Variants in NPLOC4 observed in about 807,000 individuals in gnomAD.
NPLOC4 encodes nuclear protein localization protein 4 homolog.
A neutral mutation model predicts 80.6 loss-of-function variants in NPLOC4; 18 were observed. That is an observed-to-expected ratio of 0.22 (90% CI 0.15 to 0.33). NPLOC4 has a LOEUF of 0.33. Among genes scored for constraint, NPLOC4 ranks in the 10% least tolerant of loss-of-function variants. The pLI is 1.00. For synonymous variants in NPLOC4, 313 were observed against 301.5 expected (o/e 1.04, Z -0.39); for missense variants, 540 against 786.1 (o/e 0.69, Z 3.74).
Position 81,597,336 on chromosome 17 carries a change from C to T in NPLOC4, c.922-20G>A, listed in dbSNP as rs1294733347. Reference sequence around the variant, plus strand: ...GCCAACCTTAAAAAAAGGAAAGTAGCTTTTAAACATCTCCTCAAGATAGAC... The same window carrying T: ...GCCAACCTTAAAAAAAGGAAAGTAGTTTTTAAACATCTCCTCAAGATAGAC... On this transcript the variant is annotated intron_variant, in intron 9 of 16. Coordinates refer to ENST00000331134, the MANE Select transcript of NPLOC4 (RefSeq NM_017921.4). 1 of 1,593,502 alleles carries T rather than the reference C, an allele frequency of 6.3e-7. No individual in the cohort carries two copies. The highest frequency in any genetic ancestry group is 1.3e-5 in the African/African-American group (1 of 74,550).
At chr17:81,618,382 G>A (rs1239573281) in intron 3 of NPLOC4, among the ~76,000 whole-genome samples, 1 of 149,898 alleles carries the variant, frequency 6.7e-6, no homozygotes, top group African/African-American at 2.5e-5. Context: ...GTCTCTGCCT[G>A]GCCGCCCCGT....
At chr17:81,609,968 T>G (rs968672994) in intron 5 of NPLOC4, among the ~76,000 whole-genome samples, 2 of 152,174 alleles carry the variant, frequency 1.3e-5, no homozygotes, top group Non-Finnish European at 2.9e-5. Flanking sequence ...TGCTGCCCCT[T>G]TATCACAGCC....
intron 16 of NPLOC4, chr17:81,563,605 C>A: frequency 1.1e-5 from 2 of 179,422 alleles, no homozygotes; most frequent in South Asian, 8.9e-5. Context: ...AAAAAAAAGA[C>A]TGGTGTCATT....
At position 81,557,981 on chromosome 17, in the gene NPLOC4, A is replaced by C. The variant is rs2033697934; in HGVS notation, c.*1278T>G. ...CCCCAGGATGGACACAGAAGTCCCT[A>C]AGCAGTCTGCAGCTGGGCCAGCCTC... On this transcript the variant is annotated 3_prime_UTR_variant, in exon 17 of 17. Coordinates refer to ENST00000331134, the MANE Select transcript of NPLOC4 (RefSeq NM_017921.4). 1 of 152,504 alleles carries C rather than the reference A, an allele frequency of 6.6e-6. No homozygotes were observed. 9.4% of individuals were successfully genotyped at this position (152,504 alleles called of 1,614,324 possible). A position where few individuals can be genotyped will look rare whatever the true frequency, so the allele number is the denominator to read the frequency against.
chr17:81,588,763 T>C lies in NPLOC4; in HGVS notation c.1281+181A>G, dbSNP rs191759168. Among the ~76,000 whole-genome samples, 12 of 152,322 alleles carry C rather than the reference T, an allele frequency of 7.9e-5. No individual in the cohort carries two copies. The East Asian group carries it at 1.5e-3, about 20-fold the overall frequency. On this transcript the variant is annotated intron_variant, in intron 12 of 16. Transcript: ENST00000331134. ...ACTTCTGGTGAGAAGCCCTACGCCA[T>C]GGAAGCATGAGTAGCGAATATCCAG...
intron 2 of NPLOC4, among the ~76,000 whole-genome samples, chr17:81,624,937 G>A (rs1002277354): frequency 2.0e-5 from 3 of 152,224 alleles, no homozygotes; most frequent in Non-Finnish European, 2.9e-5. Flanking sequence ...AGACAGGGCC[G>A]TGGGAAGCCA....
intron 2 of NPLOC4, among the ~76,000 whole-genome samples, chr17:81,623,273 C>T (rs2035712641): frequency 6.7e-6 from 1 of 149,326 alleles, no homozygotes; most frequent in Admixed American, 6.7e-5. Flanking sequence ...AGTTCGACAC[C>T]AGCCTGGTCA....
At chr17:81,578,437 C>T (rs372948602) in intron 12 of NPLOC4, among the ~76,000 whole-genome samples, 5 of 152,224 alleles carry the variant, frequency 3.3e-5, no homozygotes, top group Admixed American at 6.5e-5. Context: ...ACCTGACCCA[C>T]GGGAAGCTCT....
Position 81,604,601 on chromosome 17 carries a change from C to A in NPLOC4, c.781G>T (p.Asp261Tyr). 1 of 1,613,804 alleles carries A rather than the reference C, an allele frequency of 6.2e-7. No homozygotes were observed. Among genetic ancestry groups the A allele is most frequent in the Non-Finnish European group, 8.5e-7 (1 of 1,179,794 alleles). The stretch of plus-strand genomic sequence containing the variant: ...TCAGCCCTGATGCCAAGGGGAATGT[C>A]TTTGTGCTCCGTGTACCGTCCGTAT... Reference protein sequence around the residue: ...YLYGRYTEHKDIPLGIRAEVA... With the variant: ...YLYGRYTEHKYIPLGIRAEVA... The change falls in exon 8 of 17, where the codon GAC becomes TAC. Residue 261 changes from aspartate (D) to tyrosine (Y), a missense_variant. By Grantham distance (160) the Asp-to-Tyr change is radical. Coordinates refer to ENST00000331134, the MANE Select transcript of NPLOC4 (RefSeq NM_017921.4).
chr17:81,601,732 A>G (rs1216184125), intron 8 of NPLOC4, among the ~76,000 whole-genome samples: 1 of 152,344 alleles, frequency 6.6e-6, no homozygotes, highest in East Asian at 1.9e-4. Context: ...TTTTAAAAGA[A>G]CCATGGCAAA....
chr17:81,636,519 T>G, intron 1 of NPLOC4: 6 of 166,692 alleles, frequency 3.6e-5, no homozygotes, highest in African/African-American at 4.8e-5. Context: ...CAGAGGGAGA[T>G]TAGGATAAGA....
At chr17:81,601,639 G>A (rs1041114008) in intron 8 of NPLOC4, among the ~76,000 whole-genome samples, 2 of 152,136 alleles carry the variant, frequency 1.3e-5, no homozygotes, top group Non-Finnish European at 2.9e-5. Context: ...TGTGTGCTTC[G>A]AAAAGCAGCA....
intron 3 of NPLOC4, among the ~76,000 whole-genome samples, chr17:81,617,678 G>A (rs919420579): frequency 2.2e-4 from 10 of 44,996 alleles, no homozygotes; most frequent in Middle Eastern, 0.014. Flanking sequence ...CTCCCCCTCC[G>A]TCTCTTTCCA....
At chr17:81,597,613 T>C (rs867365845) in intron 9 of NPLOC4, among the ~76,000 whole-genome samples, 14 of 151,330 alleles carry the variant, frequency 9.3e-5, no homozygotes, top group Admixed American at 3.9e-4. Flanking sequence ...GGAGAAACCC[T>C]GTCTCTACTA....
intron 1 of NPLOC4, among the ~76,000 whole-genome samples, chr17:81,631,462 T>C (rs141049031): frequency 0.035 from 4,316 of 123,722 alleles, 304 homozygotes; most frequent in African/African-American, 0.11. Context: ...TTTTTTTTTT[T>C]CCCCCACGGC....
intron 11 of NPLOC4, among the ~76,000 whole-genome samples, chr17:81,593,088 C>G (rs2034794843): frequency 1.3e-5 from 2 of 152,218 alleles, no homozygotes; most frequent in South Asian, 4.1e-4. Flanking sequence ...CCACAAGACT[C>G]TGAATGCCCG....
chr17:81,635,460 G>T (rs1418895280), intron 1 of NPLOC4, among the ~76,000 whole-genome samples: 1 of 152,006 alleles, frequency 6.6e-6, no homozygotes, highest in Non-Finnish European at 1.5e-5. Flanking sequence ...CACCAAGAGG[G>T]CCCCTGACTG....
At chr17:81,585,006 C>T (rs894404210) in intron 12 of NPLOC4, among the ~76,000 whole-genome samples, 3 of 151,680 alleles carry the variant, frequency 2.0e-5, no homozygotes, top group African/African-American at 7.3e-5. Context: ...CCTGTCTCTA[C>T]TAAAATACAA....
chr17:81,585,170 C>CAAAAAAAAAAAAAAAAAAA (rs35473939), intron 12 of NPLOC4, among the ~76,000 whole-genome samples: 2 of 40,886 alleles, frequency 4.9e-5, no homozygotes, highest in African/African-American at 2.6e-4. Flanking sequence ...ACTCTGTCGC[C>CAAAAAAAAAAAAAAAAAAA]AAAAAAAAAA....
Sources: allele counts gnomAD v4.1 joint callset (sites outside exome capture counted in the v4.1 genomes callset), GRCh38; gene constraint gnomAD v4.1.1; transcripts MANE v1.5; gene names NCBI Gene and HGNC (gene_info 2026-07-23, HGNC 2026-07-21).